PLSCR2: variants seen among roughly 807,000 people sequenced by gnomAD.
PLSCR2 encodes PL scramblase 2.
Under a neutral mutation model 25.3 loss-of-function variants are expected in PLSCR2, and 18 were observed. That is an observed-to-expected ratio of 0.71 (90% CI 0.49 to 1.06). The LOEUF (loss-of-function observed/expected upper bound fraction) is 1.06, where lower values mean the gene tolerates loss of function less well. PLSCR2 is among the 50% of genes least tolerant of loss of function. PLSCR2 has a pLI of 0.00. For synonymous variants in PLSCR2, 88 were observed against 87.3 expected (o/e 1.01, Z -0.04); for missense variants, 243 against 269.5 (o/e 0.90, Z 0.69).
chr3:146,454,286 T>G, intron 4 of PLSCR2, 123 bp from the exon 5 acceptor site: 1 of 593,278 alleles, frequency 1.7e-6, no homozygotes. Flanking sequence ...CCTAGGACTT[T>G]TTTTTTAAAG....
intron 2 of PLSCR2, among the ~76,000 whole-genome samples, chr3:146,417,410 C>CT (rs5853273): frequency 0.52 from 79,179 of 151,834 alleles, 20,982 homozygotes; most frequent in South Asian, 0.71. Context: ...AAGAAACATA[C>CT]TTTGAAAAAT....
intron 2 of PLSCR2, among the ~76,000 whole-genome samples, chr3:146,421,890 C>T (rs941229043): frequency 6.6e-6 from 1 of 152,054 alleles, no homozygotes; most frequent in Non-Finnish European, 1.5e-5. Flanking sequence ...CTGAGCAGCA[C>T]TTTCAGTGTC....
chr3:146,428,962 T>C (rs1197298917), downstream of PLSCR2, among the ~76,000 whole-genome samples: 1 of 152,230 alleles, frequency 6.6e-6, no homozygotes, highest in Non-Finnish European at 1.5e-5. Context: ...CAGTCCTTTT[T>C]TCTATGTTTG....
At chr3:146,476,973 T>C (rs1192059241) in intron 1 of PLSCR2, among the ~76,000 whole-genome samples, 1 of 152,198 alleles carries the variant, frequency 6.6e-6, no homozygotes, top group East Asian at 1.9e-4. Flanking sequence ...GGGATTCCCC[T>C]AAGAACAGCA....
chr3:146,461,969 ATG>A, upstream of PLSCR2: 4 of 1,263,038 alleles, frequency 3.2e-6, no homozygotes, highest in Non-Finnish European at 4.3e-6. Flanking sequence ...AAAAAAAAAA[ATG>A]ACAAAGAACA....
intron 3 of PLSCR2, among the ~76,000 whole-genome samples, chr3:146,392,880 G>T (rs2038131493): frequency 7.0e-6 from 1 of 142,116 alleles, no homozygotes; most frequent in Admixed American, 7.1e-5. Context: ...TATAGCTTTA[G>T]CTAATTAATT....
chr3:146,460,021 G>T (rs778314395), exon 2 of PLSCR2: 4 of 1,603,568 alleles, frequency 2.5e-6, no homozygotes. Flanking sequence ...GAGCCCAGGT[G>T]GTCAGCCTGT....
In PLSCR2 at chr3:146,468,346, G is replaced by A. The variant is rs372473351; in HGVS notation, c.-292-8062C>T. On this transcript the variant is annotated intron_variant, in intron 1 of 8. Coordinates refer to the PLSCR2 transcript ENST00000336685. ...CAAGAAAGAAAGGAGCCCCCAAACC[G>A]CCTGACACTTCTAAGTGTCACTGGT... is the stretch of plus-strand genomic sequence containing the variant. 2.7e-4 allele frequency among the ~76,000 whole-genome samples: 41 copies of A among 152,268 alleles called. No homozygotes were observed. The East Asian group carries it at 7.5e-3, about 28-fold the overall frequency.
intron 1 of PLSCR2, among the ~76,000 whole-genome samples, chr3:146,478,326 A>C (rs550911318): frequency 9.8e-5 from 15 of 152,334 alleles, no homozygotes; most frequent in Middle Eastern, 6.8e-3. Flanking sequence ...CATTGCAAGG[A>C]AGCTAATAAA....
At chr3:146,409,935 TA>T (rs1338269281) in intron 2 of PLSCR2, among the ~76,000 whole-genome samples, 1 of 152,096 alleles carries the variant, frequency 6.6e-6, no homozygotes, top group East Asian at 1.9e-4. Flanking sequence ...CACATTACTG[TA>T]GCTTTAAGAT....
intron 2 of PLSCR2, among the ~76,000 whole-genome samples, chr3:146,427,051 C>T (rs1263708582): frequency 6.6e-6 from 1 of 152,152 alleles, no homozygotes; most frequent in African/African-American, 2.4e-5. Context: ...AAATACAATT[C>T]TCCACTTTTT....
intron 2 of PLSCR2, among the ~76,000 whole-genome samples, chr3:146,406,199 A>G (rs147355386): frequency 7.9e-4 from 120 of 152,350 alleles, no homozygotes; most frequent in African/African-American, 2.8e-3. Context: ...GCAGGCCGCT[A>G]AAGTTACACC....
intron 1 of PLSCR2, among the ~76,000 whole-genome samples, chr3:146,480,988 G>A (rs191995738): frequency 3.3e-5 from 5 of 152,190 alleles, no homozygotes; most frequent in Admixed American, 2.0e-4. Context: ...AAAAACACAT[G>A]ATTAGCTCAA....
intron 2 of PLSCR2, among the ~76,000 whole-genome samples, chr3:146,418,409 T>C (rs2039051496): frequency 6.6e-6 from 1 of 152,120 alleles, no homozygotes; most frequent in South Asian, 2.1e-4. Flanking sequence ...GTATGATCCA[T>C]TATGGGTAAA....
At chr3:146,403,719 T>C (rs878977146) in intron 2 of PLSCR2, among the ~76,000 whole-genome samples, 1 of 152,170 alleles carries the variant, frequency 6.6e-6, no homozygotes, top group Non-Finnish European at 1.5e-5. Context: ...TATCACACAT[T>C]GAATAATTTA....
intron 1 of PLSCR2, among the ~76,000 whole-genome samples, chr3:146,473,903 T>G (rs73152987): frequency 0.033 from 4,955 of 152,320 alleles, 106 homozygotes; most frequent in Middle Eastern, 0.058. Context: ...AAGTGTTCTA[T>G]TTTGCTCAGT....
chr3:146,485,540 CA>C (rs1275455632), intron 1 of PLSCR2, among the ~76,000 whole-genome samples: 1 of 152,084 alleles, frequency 6.6e-6, no homozygotes, highest in Non-Finnish European at 1.5e-5. Context: ...AAATTAATCA[CA>C]TAACTGGAAG....
At chr3:146,431,475 G>A (rs2039543497), downstream of PLSCR2, among the ~76,000 whole-genome samples, 2 of 152,120 alleles carry the variant, frequency 1.3e-5, no homozygotes, top group Non-Finnish European at 2.9e-5. Context: ...GCAGCAAGTT[G>A]GCCAAGACCC....
intron 2 of PLSCR2, among the ~76,000 whole-genome samples, chr3:146,404,136 AC>A (rs2038570600): frequency 6.6e-6 from 1 of 152,086 alleles, no homozygotes; most frequent in Non-Finnish European, 1.5e-5. Flanking sequence ...AGGGATAAGA[AC>A]CCCTTTCCCT....
Sources: gnomAD v4.1 joint callset for allele counts (sites outside exome capture counted in the v4.1 genomes callset) on GRCh38, gnomAD v4.1.1 for gene constraint, MANE v1.5 for transcripts, NCBI Gene and HGNC (gene_info 2026-07-23, HGNC 2026-07-21) for gene names.